Variants in GSE1 observed in about 807,000 individuals in gnomAD.
The protein encoded by GSE1 is genetic suppressor element 1.
Under a neutral mutation model 112.6 loss-of-function variants are expected in GSE1, and 32 were observed. The observed-to-expected ratio is 0.28, with a 90% CI of 0.21 to 0.38. The LOEUF (loss-of-function observed/expected upper bound fraction) is 0.38, where lower values mean the gene tolerates loss of function less well. GSE1 is among the 10% of genes least tolerant of loss of function. The pLI is 1.00. For synonymous variants in GSE1, 1,115 were observed against 735.6 expected, an observed-to-expected ratio of 1.52 and a Z score of -8.35; for missense variants, 2,348 against 1,699.2, an observed-to-expected ratio of 1.38 and a Z score of -6.71.
In GSE1 at chr16:85,534,128, C is replaced by CTTTTTTTT. The variant is rs71151302; in HGVS notation, c.2465-99782_2465-99775dup. ...AGGCTAGTTTTTAAATTTCTTCTTC[C>CTTTTTTTT]TTTTTTTTTTTGAGATGGAGTTTTG... is the stretch of plus-strand genomic sequence containing the variant. On this transcript the variant is annotated intron_variant, in intron 2 of 2. Transcript: ENST00000637419. Among the ~76,000 whole-genome samples the CTTTTTTTT allele has an allele frequency of 1.3e-5, 2 of 148,766 alleles. 1 individual carries two copies. Among genetic ancestry groups the CTTTTTTTT allele is most frequent in the African/African-American group, 5.0e-5 (2 of 40,374 alleles).
chr16:85,204,955 T>C (rs1423331238), intron 1 of GSE1, among the ~76,000 whole-genome samples: 1 of 152,090 alleles, frequency 6.6e-6, no homozygotes, highest in African/African-American at 2.4e-5. Context: ...GCCAGGACAC[T>C]CCAAAAGGGA....
At chr16:85,347,557 G>C (rs1025718167) in intron 1 of GSE1, among the ~76,000 whole-genome samples, 5 of 152,194 alleles carry the variant, frequency 3.3e-5, no homozygotes, top group African/African-American at 1.2e-4. Flanking sequence ...CCGCTTTCTA[G>C]TGACCCTCCT....
At chr16:85,462,641 C>T (rs1003673713) in intron 2 of GSE1, among the ~76,000 whole-genome samples, 4 of 137,308 alleles carry the variant, frequency 2.9e-5, no homozygotes, top group Non-Finnish European at 4.6e-5. Flanking sequence ...TTATCAAGTG[C>T]AGGGGAGCGG....
chr16:85,386,728 G>T (rs928756925), intron 2 of GSE1, among the ~76,000 whole-genome samples: 25 of 152,318 alleles, frequency 1.6e-4, no homozygotes, highest in African/African-American at 5.5e-4. Context: ...CAGGAAAGTC[G>T]ACCTCACTTA....
At chr16:85,511,049 C>T (rs957793345) in intron 2 of GSE1, among the ~76,000 whole-genome samples, 8 of 152,344 alleles carry the variant, frequency 5.3e-5, no homozygotes, top group East Asian at 3.9e-4. Context: ...ACAAGGGCTG[C>T]GCTCTTGTTT....
intron 2 of GSE1, among the ~76,000 whole-genome samples, chr16:85,423,460 T>G (rs900225673): frequency 5.9e-5 from 9 of 152,122 alleles, no homozygotes; most frequent in African/African-American, 2.2e-4. Context: ...ATCCAGCTGG[T>G]CTGGGGTGGC....
chr16:85,612,178 C>G (rs899441337), upstream of GSE1, among the ~76,000 whole-genome samples: 2 of 151,546 alleles, frequency 1.3e-5, no homozygotes, highest in Non-Finnish European at 3.0e-5. Context: ...TCGCCGACCC[C>G]TGCCCCCGAG....
intron 2 of GSE1, among the ~76,000 whole-genome samples, chr16:85,491,210 ATCAGGCCTCAAT>A (rs1463885363): frequency 6.6e-6 from 1 of 152,222 alleles, no homozygotes; most frequent in African/African-American, 2.4e-5. Context: ...TTCACGCAGC[ATCAGGCCTCAAT>A]TCAGGCCTCT....
At chr16:85,509,536 C>T (rs566315779) in intron 2 of GSE1, among the ~76,000 whole-genome samples, 107 of 152,348 alleles carry the variant, frequency 7.0e-4, no homozygotes, top group Non-Finnish European at 1.3e-3. Context: ...GTTTGGCCAG[C>T]GACCCCTGGC....
chr16:85,633,814 T>G, intron 1 of GSE1, 100 bp from the exon 2 acceptor site: 1 of 875,602 alleles, frequency 1.1e-6, no homozygotes, highest in Middle Eastern at 2.3e-4. Context: ...CTGCCCCTGC[T>G]CCCTGCCTGC....
intron 1 of GSE1, among the ~76,000 whole-genome samples, chr16:85,241,128 C>G (rs1905131491): frequency 6.6e-6 from 1 of 152,156 alleles, no homozygotes; most frequent in African/African-American, 2.4e-5. Flanking sequence ...TGAGCTTGAA[C>G]CTGGCTCTGA....
upstream of GSE1, among the ~76,000 whole-genome samples, chr16:85,608,093 CCTT>C (rs111388875): frequency 1.3e-5 from 2 of 152,150 alleles, no homozygotes; most frequent in Non-Finnish European, 2.9e-5. Context: ...ATGGGAAAAG[CCTT>C]CTTGCAAGAG....
intron 1 of GSE1, among the ~76,000 whole-genome samples, chr16:85,179,219 C>T (rs1424005542): frequency 6.6e-6 from 1 of 152,124 alleles, no homozygotes; most frequent in Non-Finnish European, 1.5e-5. Context: ...TATGGATCTG[C>T]CCGTTCTGGT....
rs534716139 is a variant in GSE1 at position 85,657,290 on chromosome 16, T to A, written c.1326T>A (p.Asp442Glu). 3 of 1,557,918 alleles carry A rather than the reference T, an allele frequency of 1.9e-6. No individual in the cohort carries two copies. Among genetic ancestry groups the A allele is most frequent in the African/African-American group, 2.7e-5 (2 of 73,050 alleles). ...TTCCCCCCACAGAGAAGCTGAAGGA[T>A]GCCGGCCTGCAGGCGCCCAAGCCCG... ...LTPTRAEKLK[D>E]AGLQAPKPVQ... is the part of the protein sequence containing the mutation. The change falls in exon 8 of 16, where the codon GAT becomes GAA. Residue 442 changes from aspartate (D) to glutamate (E), a missense_variant. By Grantham distance (45) the Asp-to-Glu change is conservative. Coordinates refer to ENST00000253458, the MANE Select transcript of GSE1 (RefSeq NM_014615.5).
intron 1 of GSE1, among the ~76,000 whole-genome samples, chr16:85,281,455 C>T (rs1297146326): frequency 1.3e-5 from 2 of 152,156 alleles, no homozygotes; most frequent in Non-Finnish European, 2.9e-5. Context: ...GGTGGCTAAA[C>T]CGAGGCCCAC....
intron 2 of GSE1, among the ~76,000 whole-genome samples, chr16:85,388,315 G>GATGAATGA (rs1377860086): frequency 9.8e-6 from 1 of 101,746 alleles, no homozygotes; most frequent in Non-Finnish European, 2.0e-5. Context: ...TGGATGGATG[G>GATGAATGA]ATGGATGGAT....
intron 1 of GSE1, among the ~76,000 whole-genome samples, chr16:85,209,816 A>G (rs1432358294): frequency 2.0e-5 from 3 of 152,174 alleles, no homozygotes; most frequent in Non-Finnish European, 2.9e-5. Context: ...GGAGAGGGTT[A>G]GGGGTCCCTA....
intron 1 of GSE1, among the ~76,000 whole-genome samples, chr16:85,339,292 C>A (rs879545926): frequency 1.4e-4 from 22 of 152,292 alleles, no homozygotes; most frequent in African/African-American, 5.3e-4. Flanking sequence ...TTCCAGCCGG[C>A]GACATCCTTT....
intron 1 of GSE1, among the ~76,000 whole-genome samples, chr16:85,558,941 TCCAC>T (rs1238295999): frequency 2.6e-5 from 4 of 151,936 alleles, no homozygotes; most frequent in Admixed American, 6.5e-5. Flanking sequence ...CACTGCAACC[TCCAC>T]CTTCCAGGTT....
Sources: allele counts gnomAD v4.1 joint callset (sites outside exome capture counted in the v4.1 genomes callset), GRCh38; gene constraint gnomAD v4.1.1; transcripts MANE v1.5; gene names NCBI Gene and HGNC (gene_info 2026-07-23, HGNC 2026-07-21).